RAB11FIP5: variants seen among roughly 807,000 people sequenced by gnomAD.
The protein encoded by RAB11FIP5 is rab11 family-interacting protein 5.
Under a neutral mutation model 85.1 loss-of-function variants are expected in RAB11FIP5, and 48 were observed. The ratio of observed to expected loss-of-function variants is 0.56; its 90% CI spans 0.45 to 0.72. The LOEUF is 0.72. Ranked by LOEUF, RAB11FIP5 falls within the 30% of genes least tolerant of loss-of-function variation. The pLI is 0.00. For synonymous variants in RAB11FIP5, 729 were observed against 727.3 expected, an observed-to-expected ratio of 1.00 and a Z score of -0.04; for missense variants, 1,491 against 1,687.0, an observed-to-expected ratio of 0.88 and a Z score of 2.04.
chr2:73,085,248 G>A (rs1193753920), intron 3 of RAB11FIP5, among the ~76,000 whole-genome samples: 1 of 152,096 alleles, frequency 6.6e-6, no homozygotes, highest in Non-Finnish European at 1.5e-5. Flanking sequence ...CCTGGTGCAG[G>A]GAGGCACTGC....
chr2:73,077,329 G>A (rs976040242), intron 4 of RAB11FIP5, among the ~76,000 whole-genome samples: 2 of 152,038 alleles, frequency 1.3e-5, no homozygotes, highest in African/African-American at 4.8e-5. Context: ...CTTCAGCCTC[G>A]GCCTTAACAA....
intron 1 of RAB11FIP5, among the ~76,000 whole-genome samples, chr2:73,106,735 C>A (rs146776247): frequency 5.8e-4 from 89 of 152,342 alleles, no homozygotes; most frequent in African/African-American, 1.9e-3. Context: ...CAGAGCACAC[C>A]CTCCACTAAG....
At position 73,081,408 on chromosome 2, in the gene RAB11FIP5, G is replaced by C; in HGVS notation, c.1824C>G (p.Phe608Leu). 1 of 1,232,642 alleles carries C rather than the reference G, an allele frequency of 8.1e-7. No individual in the cohort carries two copies. Among genetic ancestry groups the C allele is most frequent in the East Asian group, 3.2e-5 (1 of 31,710 alleles). 76.4% of individuals were successfully genotyped at this position (1,232,642 alleles called of 1,614,324 possible). A position where few individuals can be genotyped will look rare whatever the true frequency, so the allele number is the denominator to read the frequency against. Residue 608 changes from phenylalanine to leucine, a missense_variant, in exon 4 of 6, where the codon TTC becomes TTG. This residue lies in a region of RAB11FIP5 where 1,211 missense variants were observed against 1,338.0 expected (regional missense o/e 0.91). Coordinates refer to ENST00000486777, the MANE Select transcript of RAB11FIP5 (RefSeq NM_001371272.1). This position sits in a 1 kb window ranked among gnomAD's most constrained non-coding sequence, Gnocchi z 4.2. ...CTATGTCGGCTATGAGCTCCTCGAA[G>C]AAGGGGTTGCTCTGCAAAGAGGTGA... ...PFLTSLQSNP[F>L]FEELIADIAL...
intron 1 of RAB11FIP5, among the ~76,000 whole-genome samples, chr2:73,102,271 C>G (rs1264322630): frequency 6.6e-6 from 1 of 152,080 alleles, no homozygotes; most frequent in East Asian, 1.9e-4. Flanking sequence ...AACACAAGGA[C>G]AGGACTGACA....
intron 1 of RAB11FIP5, among the ~76,000 whole-genome samples, chr2:73,102,548 A>C (rs1684448651): frequency 6.6e-6 from 1 of 152,196 alleles, no homozygotes; most frequent in Non-Finnish European, 1.5e-5. Context: ...TAGGAGAGCC[A>C]GGGGGGCCCC....
Position 73,081,191 on chromosome 2 carries a change from G to A in RAB11FIP5, c.2041C>T (p.Leu681=). 8.1e-7 allele frequency: 1 copy of A among 1,232,286 alleles called. No homozygotes were observed. The highest frequency in any genetic ancestry group is 1.0e-6 in the Non-Finnish European group (1 of 988,174). The allele number at this position is 1,232,286 out of a possible 1,614,324, so 76.3% of individuals were successfully genotyped here. A position where few individuals can be genotyped will look rare whatever the true frequency, so the allele number is the denominator to read the frequency against. ...PAGVGLEAAG[L]QDPGPGAMTA... ...ATGGCCCCAGGGCCTGGGTCTTGCA[G>A]CCCTGCCGCCTCCAGCCCCACTCCT... The change falls in exon 4 of 6, where the codon CTG becomes TTG. Residue 681 remains leucine, a synonymous_variant. Transcript: ENST00000486777. This position sits in a 1 kb window ranked among gnomAD's most constrained non-coding sequence, Gnocchi z 4.2.
rs1428650323 is a variant in RAB11FIP5 at position 73,076,093 on chromosome 2, C to G, written c.3671G>C (p.Ser1224Thr). The change falls in exon 5 of 6, where the codon AGC (serine) becomes ACC (threonine). Residue 1224 changes from serine to threonine, a missense_variant. Physicochemically the swap from Ser to Thr is moderately conservative, Grantham distance 58. Transcript: ENST00000486777. ...TGTTTTGAGCTTCTCCAGCCCACTG[C>G]TCAGGGCTATGCTCAGACTGGAGCG... ...QSRSSLSIAL[S>T]SGLEKLKTVT... The G allele has an allele frequency of 6.2e-7, 1 of 1,614,190 alleles. No homozygotes were observed. The highest frequency in any genetic ancestry group is 1.1e-5 in the South Asian group (1 of 91,086).
chr2:73,082,096 C>T (rs1432045455), intron 3 of RAB11FIP5, among the ~76,000 whole-genome samples: 2 of 140,990 alleles, frequency 1.4e-5, no homozygotes, highest in East Asian at 2.2e-4. Context: ...AGTGCAGTGG[C>T]GCGATCTTGG....
intron 1 of RAB11FIP5, among the ~76,000 whole-genome samples, chr2:73,104,737 G>A (rs188427098): frequency 3.3e-5 from 5 of 152,214 alleles, no homozygotes; most frequent in Admixed American, 6.5e-5. Context: ...CCTCTAATCA[G>A]GTCTCACCTG....
rs562332823 is a variant in RAB11FIP5 at position 73,079,355 on chromosome 2, A to G, written c.3581+296T>C. On this transcript the variant is annotated intron_variant, in intron 4 of 5. Transcript: ENST00000486777. ...CTGCTCTCCTTCCCTGCCAGCCCAC[A>G]TCGGCTCTCCCCACTTCATTCCTTA... Among the ~76,000 whole-genome samples the G allele has an allele frequency of 3.7e-4, 56 of 152,136 alleles. 1 individual carries two copies. Among genetic ancestry groups the G allele is most frequent in the Middle Eastern group, 3.4e-3 (1 of 294 alleles).
At chr2:73,105,834 G>A (rs1684514816) in intron 1 of RAB11FIP5, among the ~76,000 whole-genome samples, 1 of 152,146 alleles carries the variant, frequency 6.6e-6, no homozygotes, top group South Asian at 2.1e-4. Context: ...GGTGGGCAGT[G>A]TGGTGTGGTG....
At chr2:73,083,900 T>C (rs1262132021) in intron 3 of RAB11FIP5, among the ~76,000 whole-genome samples, 2 of 152,312 alleles carry the variant, frequency 1.3e-5, no homozygotes, top group Admixed American at 6.5e-5. Context: ...TAGGCCACAG[T>C]GGTCTGAAGG....
chr2:73,104,634 G>A (rs1197399043), intron 1 of RAB11FIP5, among the ~76,000 whole-genome samples: 2 of 152,276 alleles, frequency 1.3e-5, no homozygotes, highest in Admixed American at 6.5e-5. Context: ...TTTGCTGAGA[G>A]TGGCACACAG....
chr2:73,088,813 T>C (rs1684146820), intron 2 of RAB11FIP5, 64 bp from the exon 3 acceptor site: 2 of 1,534,912 alleles, frequency 1.3e-6, no homozygotes, highest in African/African-American at 1.4e-5. Context: ...GCCCCAGGCC[T>C]TCATCACCAC....
At chr2:73,105,625 C>T (rs1396273519) in intron 1 of RAB11FIP5, among the ~76,000 whole-genome samples, 1 of 152,046 alleles carries the variant, frequency 6.6e-6, no homozygotes, top group African/African-American at 2.4e-5. Flanking sequence ...CTGGGACAGA[C>T]ATAAGGCTAG....
chr2:73,100,104 A>G (rs1574303001), intron 1 of RAB11FIP5, among the ~76,000 whole-genome samples: 6 of 151,784 alleles, frequency 4.0e-5, no homozygotes, highest in African/African-American at 1.5e-4. Flanking sequence ...TCCCAGCCTC[A>G]CTCCCCTCAC....
At chr2:73,079,273 C>A (rs1683920608) in intron 4 of RAB11FIP5, among the ~76,000 whole-genome samples, 1 of 152,060 alleles carries the variant, frequency 6.6e-6, no homozygotes, top group Non-Finnish European at 1.5e-5. Context: ...GTTCCACCGC[C>A]CCCCACCCAC....
chr2:73,081,631 G>C lies in RAB11FIP5; in HGVS notation c.1601C>G (p.Pro534Arg), dbSNP rs1257095012. Reference protein sequence around the residue: ...LDVSPQVESDPAALPHHLPCS... With the variant: ...LDVSPQVESDRAALPHHLPCS... The stretch of plus-strand genomic sequence containing the variant: ...GGGGAGGTGGTGAGGAAGAGCAGCT[G>C]GGTCAGATTCTACCTGAGGAGACAC... The change falls in exon 4 of 6, where the codon CCA becomes CGA. Residue 534 changes from proline (P) to arginine (R), a missense_variant. By Grantham distance (103) the Pro-to-Arg change is moderately radical. Transcript: ENST00000486777. The surrounding 1 kb of genome is among the most constrained non-coding windows in gnomAD (Gnocchi z 4.2). 1 of 1,229,712 alleles carries C rather than the reference G, an allele frequency of 8.1e-7. No homozygotes were observed. Among genetic ancestry groups the C allele is most frequent in the Non-Finnish European group, 1.0e-6 (1 of 985,618 alleles). The allele number at this position is 1,229,712 out of a possible 1,614,324, so 76.2% of individuals were successfully genotyped here. A position where few individuals can be genotyped will look rare whatever the true frequency, so the allele number is the denominator to read the frequency against.
At chr2:73,105,525 G>A (rs1380534204) in intron 1 of RAB11FIP5, among the ~76,000 whole-genome samples, 1 of 151,988 alleles carries the variant, frequency 6.6e-6, no homozygotes, top group Non-Finnish European at 1.5e-5. Context: ...TTACAGGCAT[G>A]AGCCACCACA....
Sources: allele counts gnomAD v4.1 joint callset (sites outside exome capture counted in the v4.1 genomes callset), GRCh38; gene constraint gnomAD v4.1.1; regional missense constraint gnomAD v4.1.1; non-coding constraint Gnocchi (gnomAD v3.1); transcripts MANE v1.5; gene names NCBI Gene and HGNC (gene_info 2026-07-23, HGNC 2026-07-21).